Variants in RCBTB1 observed in about 807,000 individuals in gnomAD.
RCBTB1 encodes the protein RCC1 and BTB domain containing protein 1.
A neutral mutation model predicts 62.4 loss-of-function variants in RCBTB1; 46 were observed. The ratio of observed to expected loss-of-function variants is 0.74; its 90% CI spans 0.58 to 0.94. The LOEUF (loss-of-function observed/expected upper bound fraction) is 0.94. RCBTB1 is among the 40% of genes least tolerant of loss of function. The pLI, the probability that RCBTB1 is intolerant of heterozygous loss-of-function variation, is 0.00. For missense variants in RCBTB1, 565 were observed against 654.9 expected, an observed-to-expected ratio of 0.86 and a Z score of 1.50; for synonymous variants, 222 against 245.8, an observed-to-expected ratio of 0.90 and a Z score of 0.91.
chr13:49,555,443 T>C, intron 6 of RCBTB1, 72 bp downstream of exon 6: 1 of 1,265,986 alleles, frequency 7.9e-7, no homozygotes, highest in Non-Finnish European at 1.2e-6. Flanking sequence ...TCTGATACAT[T>C]CACCTTGTGA....
rs1959738865 is a variant in RCBTB1, at chr13:49,534,001, T to C, written c.*121A>G. On this transcript the variant is annotated 3_prime_UTR_variant, in exon 13 of 13. Transcript: ENST00000378302. ...CCTACACAAACAACTGTGTCCCAGATGTGGAAAAAAACAACCTGATGGTCT... is the reference window on the plus strand; with the variant it reads ...CCTACACAAACAACTGTGTCCCAGACGTGGAAAAAAACAACCTGATGGTCT... 2 of 991,220 alleles carry C rather than the reference T, an allele frequency of 2.0e-6. No homozygotes were observed. Among genetic ancestry groups the C allele is most frequent in the Admixed American group, 2.4e-5 (1 of 40,914 alleles). 61.4% of individuals were successfully genotyped at this position (991,220 alleles called of 1,614,324 possible).
rs933210454 is a variant in RCBTB1 at position 49,585,446 on chromosome 13, G to C, written c.-124C>G. ...TCGACCCCGCGCCCACACGCTACCT[G>C]CGAGGTCAGCTGCTGCCGCGCCGTC... On this transcript the variant is annotated splice_region_variant and 5_prime_UTR_variant, in exon 1 of 13. Coordinates refer to ENST00000378302, the MANE Select transcript of RCBTB1 (RefSeq NM_018191.4). 2 of 152,326 alleles carry C rather than the reference G, an allele frequency of 1.3e-5. No homozygotes were observed. Among genetic ancestry groups the C allele is most frequent in the African/African-American group, 4.8e-5 (2 of 41,462 alleles). The allele number at this position is 152,326 out of a possible 1,614,324, so 9.4% of individuals were successfully genotyped here.
chr13:49,540,829 C>CA, intron 12 of RCBTB1, 47 bp downstream of exon 12: 2 of 1,590,354 alleles, frequency 1.3e-6, no homozygotes, highest in Non-Finnish European at 1.7e-6. Context: ...GAGACGAGCA[C>CA]AAAGGGAGTT....
chr13:49,557,558 A>G (rs1440805210), intron 5 of RCBTB1, among the ~76,000 whole-genome samples: 1 of 152,148 alleles, frequency 6.6e-6, no homozygotes, highest in Non-Finnish European at 1.5e-5. Context: ...TAAAAAAAAA[A>G]GTACAGAACA....
chr13:49,559,324 C>T (rs980706109), intron 5 of RCBTB1, among the ~76,000 whole-genome samples: 3 of 151,928 alleles, frequency 2.0e-5, no homozygotes, highest in South Asian at 2.1e-4. Flanking sequence ...ATTCCACTTA[C>T]GTGAGGTACC....
At chr13:49,542,300 A>G (rs1226410439) in intron 10 of RCBTB1, among the ~76,000 whole-genome samples, 3 of 151,994 alleles carry the variant, frequency 2.0e-5, no homozygotes, top group Non-Finnish European at 1.5e-5. Context: ...CCCAAAAAAC[A>G]TTCCACATGC....
intron 6 of RCBTB1, among the ~76,000 whole-genome samples, chr13:49,552,624 G>A (rs191357523): frequency 1.1e-4 from 16 of 152,220 alleles, no homozygotes; most frequent in Admixed American, 3.9e-4. Flanking sequence ...TTTAACAGGC[G>A]AAATAGATAC....
At chr13:49,566,132 G>A (rs1263090902) in intron 4 of RCBTB1, among the ~76,000 whole-genome samples, 4 of 150,004 alleles carry the variant, frequency 2.7e-5, no homozygotes, top group Admixed American at 6.6e-5. Context: ...GCAGTAGGCC[G>A]CAGGGTCCTC....
chr13:49,555,729 C>T (rs1961805137), intron 5 of RCBTB1, 56 bp from the exon 6 acceptor site: 7 of 1,269,314 alleles, frequency 5.5e-6, no homozygotes, highest in African/African-American at 1.5e-5. Context: ...AATTCTACCC[C>T]AACACAAATA....
rs1308538551 is a variant in RCBTB1 at position 49,552,290 on chromosome 13, G to A, written c.604-5C>T. On this transcript the variant is annotated splice_polypyrimidine_tract_variant and splice_region_variant and intron_variant, in intron 6 of 12. Coordinates refer to ENST00000378302, the MANE Select transcript of RCBTB1 (RefSeq NM_018191.4). ...ATTGTAACCCCAGCCATATACCTTAGAGAGGACAGAAGGGAGAGAGTGAGA... is the reference window on the plus strand; with the variant it reads ...ATTGTAACCCCAGCCATATACCTTAAAGAGGACAGAAGGGAGAGAGTGAGA... The A allele has an allele frequency of 6.4e-7, 1 of 1,572,114 alleles. No individual in the cohort carries two copies. Among genetic ancestry groups the A allele is most frequent in the Non-Finnish European group, 8.7e-7 (1 of 1,148,946 alleles).
At chr13:49,546,033 A>G in intron 9 of RCBTB1, 1 of 954,416 alleles carries the variant, frequency 1.0e-6, no homozygotes, top group African/African-American at 1.8e-5. Flanking sequence ...AAAACCTCTC[A>G]AAAGTCAGGC....
chr13:49,552,102 A>G, intron 7 of RCBTB1, 76 bp downstream of exon 7: 3 of 915,530 alleles, frequency 3.3e-6, no homozygotes, highest in Middle Eastern at 2.2e-4. Flanking sequence ...ACTGAAGAGT[A>G]AACCTCCAAT....
intron 1 of RCBTB1, among the ~76,000 whole-genome samples, chr13:49,581,376 A>T (rs764024050): frequency 6.6e-6 from 1 of 152,256 alleles, no homozygotes; most frequent in Non-Finnish European, 1.5e-5. Context: ...CGAAGATCAC[A>T]GGCAGACGCT....
chr13:49,552,774 G>A (rs1430122736), intron 6 of RCBTB1, among the ~76,000 whole-genome samples: 1 of 152,018 alleles, frequency 6.6e-6, no homozygotes, highest in Non-Finnish European at 1.5e-5. Context: ...GAGCAGAGCT[G>A]AAGGATGAAG....
At chr13:49,585,084 G>A (rs1293299190) in intron 1 of RCBTB1, among the ~76,000 whole-genome samples, 4 of 152,130 alleles carry the variant, frequency 2.6e-5, no homozygotes, top group African/African-American at 9.7e-5. Flanking sequence ...AGAGTCGGAG[G>A]GGAGATCTCC....
chr13:49,538,027 C>T lies in RCBTB1; in HGVS notation c.1455+2849G>A, dbSNP rs550822538. ...TTGGAAGCAGGTAGTCTCCATCTTC[C>T]TAGCATTTTGGCCCACAGCACGAAG... is the stretch of plus-strand genomic sequence containing the variant. On this transcript the variant is annotated intron_variant, in intron 12 of 12. Coordinates refer to ENST00000378302, the MANE Select transcript of RCBTB1 (RefSeq NM_018191.4). The T allele has an allele frequency of 2.6e-5, 4 of 152,354 alleles. No homozygotes were observed. In the East Asian group the frequency reaches 5.8e-4, roughly 22 times the overall value. The allele number at this position is 152,354 out of a possible 1,614,324, so 9.4% of individuals were successfully genotyped here.
At chr13:49,561,817 T>A (rs2137284546) in intron 4 of RCBTB1, among the ~76,000 whole-genome samples, 1 of 151,918 alleles carries the variant, frequency 6.6e-6, no homozygotes, top group Middle Eastern at 3.4e-3. Flanking sequence ...CAAGTTTCTA[T>A]GAGGCTGGGC....
intron 5 of RCBTB1, among the ~76,000 whole-genome samples, chr13:49,557,151 T>A (rs549066908): frequency 6.6e-6 from 1 of 152,166 alleles, no homozygotes; most frequent in African/African-American, 2.4e-5. Context: ...CTCTGTAACA[T>A]CACTGAGGGA....
chr13:49,581,350 A>T lies in RCBTB1; in HGVS notation c.-121-766T>A, dbSNP rs536517049. ...TGAATGGGACAAGGAGCACTGGATA[A>T]GCAGAAAGGCAGAGCCGAAGATCAC... On this transcript the variant is annotated intron_variant, in intron 1 of 12. Coordinates refer to ENST00000378302, the MANE Select transcript of RCBTB1 (RefSeq NM_018191.4). Among the ~76,000 whole-genome samples the T allele has an allele frequency of 4.5e-4, 69 of 152,380 alleles. 2 individuals carry two copies. In the South Asian group the frequency reaches 6.8e-3, roughly 15 times the overall value.
Sources: allele counts gnomAD v4.1 joint callset (sites outside exome capture counted in the v4.1 genomes callset), GRCh38; gene constraint gnomAD v4.1.1; transcripts MANE v1.5; gene names NCBI Gene and HGNC (gene_info 2026-07-23, HGNC 2026-07-21).